Variants in ANKIB1 observed in about 807,000 individuals in gnomAD.
ANKIB1 encodes ankyrin repeat and IBR domain-containing protein 1.
A neutral mutation model predicts 122.1 loss-of-function variants in ANKIB1; 43 were observed. The ratio of observed to expected loss-of-function variants is 0.35; its 90% confidence interval spans 0.28 to 0.45. ANKIB1 has a LOEUF of 0.45. ANKIB1 is among the 20% of genes least tolerant of loss of function. The pLI is 1.00. For missense variants in ANKIB1, 992 were observed against 1,329.5 expected, an observed-to-expected ratio of 0.75 and a Z score of 3.95; for synonymous variants, 390 against 442.0, an observed-to-expected ratio of 0.88 and a Z score of 1.48.
intron 1 of ANKIB1, among the ~76,000 whole-genome samples, chr7:92,274,271 G>A (rs1039424401): frequency 1.3e-5 from 2 of 152,270 alleles, no homozygotes; most frequent in Admixed American, 6.5e-5. Context: ...GAGTATAGAT[G>A]TAGTCCCTAA....
At chr7:92,371,680 A>G in intron 11 of ANKIB1, 73 bp downstream of exon 11, 1 of 1,507,752 alleles carries the variant, frequency 6.6e-7, no homozygotes, top group Non-Finnish European at 9.0e-7. Flanking sequence ...AATCCAAAGG[A>G]TAAATTATTT....
At chr7:92,323,473 T>A (rs910205758) in intron 4 of ANKIB1, among the ~76,000 whole-genome samples, 8 of 123,158 alleles carry the variant, frequency 6.5e-5, no homozygotes, top group Non-Finnish European at 1.4e-4. Flanking sequence ...AGTTATAACT[T>A]TTTTTCCTTT....
chr7:92,256,776 A>C (rs1801456872), intron 1 of ANKIB1, among the ~76,000 whole-genome samples: 1 of 152,216 alleles, frequency 6.6e-6, no homozygotes, highest in African/African-American at 2.4e-5. Flanking sequence ...TTAGAGTACA[A>C]TTAAAATGAT....
At chr7:92,256,637 T>G (rs1011629331) in intron 1 of ANKIB1, among the ~76,000 whole-genome samples, 1 of 152,210 alleles carries the variant, frequency 6.6e-6, no homozygotes, top group Non-Finnish European at 1.5e-5. Context: ...GAATTAAGAC[T>G]TGAAGCCAAA....
At chr7:92,371,026 A>T (rs2115638067) in intron 10 of ANKIB1, among the ~76,000 whole-genome samples, 1 of 152,334 alleles carries the variant, frequency 6.6e-6, no homozygotes, top group Non-Finnish European at 1.5e-5. Flanking sequence ...GATAAAAAAG[A>T]TGTTGATATT....
At chr7:92,390,337 G>A (rs1191744851) in intron 15 of ANKIB1, among the ~76,000 whole-genome samples, 1 of 152,106 alleles carries the variant, frequency 6.6e-6, no homozygotes, top group East Asian at 1.9e-4. Context: ...TGAGTTATGA[G>A]TGGTGCAAAC....
intron 14 of ANKIB1, among the ~76,000 whole-genome samples, chr7:92,388,273 T>G (rs1804710144): frequency 6.6e-6 from 1 of 152,188 alleles, no homozygotes; most frequent in Non-Finnish European, 1.5e-5. Context: ...TGTTATGAGA[T>G]AAAAACACTT....
intron 5 of ANKIB1, among the ~76,000 whole-genome samples, chr7:92,329,552 C>G (rs1159553761): frequency 6.6e-6 from 1 of 152,148 alleles, no homozygotes; most frequent in Non-Finnish European, 1.5e-5. Context: ...AAGATTATGT[C>G]TACATTCTGA....
At chr7:92,309,799 C>T (rs949633397) in intron 3 of ANKIB1, among the ~76,000 whole-genome samples, 4 of 150,770 alleles carry the variant, frequency 2.7e-5, no homozygotes, top group Admixed American at 6.6e-5. Flanking sequence ...GTGGCAGGCA[C>T]CTGTAGTCCC....
chr7:92,340,728 A>T (rs900685003), intron 5 of ANKIB1, among the ~76,000 whole-genome samples: 2 of 152,212 alleles, frequency 1.3e-5, no homozygotes, highest in Admixed American at 6.5e-5. Context: ...TTTGGAAACA[A>T]TATTAGCTAA....
At chr7:92,393,306 G>C (rs762842436) in intron 17 of ANKIB1, among the ~76,000 whole-genome samples, 5 of 151,906 alleles carry the variant, frequency 3.3e-5, no homozygotes, top group Non-Finnish European at 5.9e-5. Context: ...TTAGAGCCCT[G>C]ATCTGGACAT....
At chr7:92,326,357 A>G (rs1803027643) in intron 4 of ANKIB1, among the ~76,000 whole-genome samples, 1 of 152,208 alleles carries the variant, frequency 6.6e-6, no homozygotes, top group African/African-American at 2.4e-5. Flanking sequence ...CATTCTCTCG[A>G]TAACACTAAT....
intron 10 of ANKIB1, among the ~76,000 whole-genome samples, chr7:92,367,032 A>T (rs1054999638): frequency 7.2e-5 from 11 of 152,122 alleles, no homozygotes; most frequent in Admixed American, 2.0e-4. Flanking sequence ...TCCTCATGAT[A>T]ATGATCCTGA....
chr7:92,370,904 CT>C (rs1295387990), intron 10 of ANKIB1, among the ~76,000 whole-genome samples: 2 of 152,000 alleles, frequency 1.3e-5, no homozygotes, highest in Non-Finnish European at 2.9e-5. Flanking sequence ...GCAATAAGAA[CT>C]GGGAATGGAG....
intron 5 of ANKIB1, among the ~76,000 whole-genome samples, chr7:92,338,504 T>C (rs1484000398): frequency 2.0e-5 from 3 of 152,174 alleles, no homozygotes; most frequent in Non-Finnish European, 4.4e-5. Context: ...TAATTGTTTT[T>C]AATAATTCTG....
chr7:92,250,163 G>A (rs1782081543), intron 1 of ANKIB1, among the ~76,000 whole-genome samples: 1 of 152,162 alleles, frequency 6.6e-6, no homozygotes. Context: ...GGAGGCTGAG[G>A]CAGGCGGATC....
chr7:92,355,659 G>T (rs547768428), intron 9 of ANKIB1, among the ~76,000 whole-genome samples: 196 of 151,886 alleles, frequency 1.3e-3, no homozygotes, highest in African/African-American at 4.5e-3. Flanking sequence ...ACCATCCTGG[G>T]TAACACAGTG....
chr7:92,351,393 GATCA>G (rs1452823532), intron 8 of ANKIB1, among the ~76,000 whole-genome samples: 1 of 152,022 alleles, frequency 6.6e-6, no homozygotes, highest in Non-Finnish European at 1.5e-5. Flanking sequence ...ATAACTGATT[GATCA>G]AGATAATGTT....
intron 3 of ANKIB1, among the ~76,000 whole-genome samples, chr7:92,314,898 T>C (rs1175293792): frequency 1.3e-5 from 2 of 152,086 alleles, no homozygotes; most frequent in Non-Finnish European, 2.9e-5. Flanking sequence ...ACAAAGCGTC[T>C]GGGTTTGTGT....
Sources: gnomAD v4.1 joint callset for allele counts (sites outside exome capture counted in the v4.1 genomes callset) on GRCh38, gnomAD v4.1.1 for gene constraint, MANE v1.5 for transcripts, NCBI Gene and HGNC (gene_info 2026-07-23, HGNC 2026-07-21) for gene names.